SHB: variants seen among roughly 807,000 people sequenced by gnomAD.
SHB encodes SH2 domain-containing adapter protein B.
Under a neutral mutation model 52.3 loss-of-function variants are expected in SHB, and 20 were observed. The ratio of observed to expected loss-of-function variants is 0.38; its 90% confidence interval spans 0.27 to 0.56. SHB has a LOEUF of 0.56. Among genes scored for constraint, SHB ranks in the 20% least tolerant of loss-of-function variants. The pLI is 0.71. For synonymous variants in SHB, 397 were observed against 316.5 expected (o/e 1.25, Z -2.70); for missense variants, 825 against 723.3 (o/e 1.14, Z -1.61).
At chr9:37,986,776 G>A (rs760276791) in intron 2 of SHB, among the ~76,000 whole-genome samples, 22 of 152,208 alleles carry the variant, frequency 1.4e-4, no homozygotes, top group Non-Finnish European at 1.6e-4. Context: ...ATGACAGGGC[G>A]GGCATCCCCG....
intron 1 of SHB, among the ~76,000 whole-genome samples, chr9:38,065,942 T>C (rs1289023695): frequency 2.0e-5 from 3 of 151,900 alleles, no homozygotes; most frequent in Non-Finnish European, 4.4e-5. Context: ...CAAGGTGCAC[T>C]CCTCGATGCC....
At chr9:37,965,759 C>T (rs921624961) in intron 3 of SHB, among the ~76,000 whole-genome samples, 2 of 151,164 alleles carry the variant, frequency 1.3e-5, no homozygotes, top group African/African-American at 4.9e-5. Context: ...ATTTTGGGGC[C>T]GGGGTATCTG....
chr9:37,948,879 C>T, intron 4 of SHB, 125 bp from the exon 5 acceptor site: 1 of 1,247,732 alleles, frequency 8.0e-7, no homozygotes. Flanking sequence ...CTGGTTCATT[C>T]CATGGGTACC....
chr9:37,950,751 T>C (rs564494064), intron 4 of SHB, among the ~76,000 whole-genome samples: 2 of 152,250 alleles, frequency 1.3e-5, no homozygotes, highest in East Asian at 1.9e-4. Flanking sequence ...ATGTAACAAG[T>C]GGCCCCGCAG....
Position 38,055,152 on chromosome 9 carries a change from G to A in SHB, c.717+12777C>T, listed in dbSNP as rs141626927. On this transcript the variant is annotated intron_variant, in intron 1 of 5. Transcript: ENST00000377707. ...CAGGACTGGTCCTGGGTTCAGTGAC[G>A]TGATGTGAGTTAGGCAGACACCTTC... Among the ~76,000 whole-genome samples, 401 of 152,368 alleles carry A rather than the reference G, an allele frequency of 2.6e-3. 6 individuals carry two copies. Among genetic ancestry groups the A allele is most frequent in the South Asian group, 0.017 (81 of 4,826 alleles).
At chr9:38,032,876 C>T (rs1476244563) in intron 1 of SHB, among the ~76,000 whole-genome samples, 1 of 152,162 alleles carries the variant, frequency 6.6e-6, no homozygotes, top group Non-Finnish European at 1.5e-5. Flanking sequence ...CCGTGCCAGG[C>T]AGAGGAGGGA....
At chr9:37,987,378 G>T (rs568159647) in intron 2 of SHB, among the ~76,000 whole-genome samples, 1 of 152,360 alleles carries the variant, frequency 6.6e-6, no homozygotes, top group South Asian at 2.1e-4. Context: ...GGCAAGCGAG[G>T]AAGGGATGGA....
At chr9:37,952,632 G>A (rs372520207) in intron 4 of SHB, among the ~76,000 whole-genome samples, 4 of 152,184 alleles carry the variant, frequency 2.6e-5, no homozygotes, top group African/African-American at 4.8e-5. Context: ...GCAGGTGGCC[G>A]CAGAGATGGA....
Position 38,068,453 on chromosome 9 carries a change from C to G in SHB, c.193G>C (p.Ala65Pro). The G allele has an allele frequency of 6.5e-7, 1 of 1,532,700 alleles. No homozygotes were observed. The highest frequency in any genetic ancestry group is 8.7e-7 in the Non-Finnish European group (1 of 1,144,542). The allele number at this position is 1,532,700 out of a possible 1,614,324, so 94.9% of individuals were successfully genotyped here. Reference protein sequence around the residue: ...CGPATASCFSASSGSLPDDSG... With the variant: ...CGPATASCFSPSSGSLPDDSG... ...TCGTCGGGCAGCGAGCCCGAAGAGGCTGAGAAGCAGGAGGCGGTGGCCGGA... is the reference window on the plus strand; with the variant it reads ...TCGTCGGGCAGCGAGCCCGAAGAGGGTGAGAAGCAGGAGGCGGTGGCCGGA... Residue 65 changes from alanine to proline, a missense_variant, in exon 1 of 6, where the codon GCC (alanine) becomes CCC (proline). By Grantham distance (27) the Ala-to-Pro change is conservative. Coordinates refer to ENST00000377707, the MANE Select transcript of SHB (RefSeq NM_003028.3).
intron 1 of SHB, among the ~76,000 whole-genome samples, chr9:38,023,657 C>T (rs1004717998): frequency 5.9e-5 from 9 of 152,178 alleles, no homozygotes; most frequent in Non-Finnish European, 1.2e-4. Flanking sequence ...TGTGAATGCC[C>T]TTTTTTCCCC....
chr9:38,043,661 G>A (rs911951310), intron 1 of SHB, among the ~76,000 whole-genome samples: 4 of 152,210 alleles, frequency 2.6e-5, no homozygotes, highest in African/African-American at 4.8e-5. Context: ...AGGCCGAGGC[G>A]GGGGGATCAC....
chr9:37,927,325 A>G (rs1832261950), intron 5 of SHB, among the ~76,000 whole-genome samples: 1 of 152,256 alleles, frequency 6.6e-6, no homozygotes, highest in Non-Finnish European at 1.5e-5. Flanking sequence ...GACAAGCCAA[A>G]GACACACACA....
chr9:38,017,024 G>A (rs902771617), intron 1 of SHB, among the ~76,000 whole-genome samples: 1 of 152,218 alleles, frequency 6.6e-6, no homozygotes, highest in African/African-American at 2.4e-5. Flanking sequence ...ACCGTTCCAC[G>A]TTTTCCCTGG....
chr9:38,064,539 C>T (rs974039533), intron 1 of SHB, among the ~76,000 whole-genome samples: 1 of 152,244 alleles, frequency 6.6e-6, no homozygotes, highest in African/African-American at 2.4e-5. Context: ...GTCACCCTCT[C>T]CCCTGAGCTG....
At chr9:38,059,848 A>G (rs886187448) in intron 1 of SHB, among the ~76,000 whole-genome samples, 6 of 152,166 alleles carry the variant, frequency 3.9e-5, no homozygotes, top group African/African-American at 1.4e-4. Context: ...ACTCCTCCCC[A>G]TGAGCCTCTG....
chr9:37,968,057 C>T (rs1820550295), intron 3 of SHB, among the ~76,000 whole-genome samples: 1 of 152,176 alleles, frequency 6.6e-6, no homozygotes, highest in Admixed American at 6.5e-5. Flanking sequence ...TGGGAATGAG[C>T]TTTGGAAACA....
intron 5 of SHB, among the ~76,000 whole-genome samples, chr9:37,931,839 G>A (rs1248663533): frequency 6.6e-6 from 1 of 152,190 alleles, no homozygotes; most frequent in East Asian, 1.9e-4. Context: ...GAAAACAACT[G>A]AAGGTCTGTC....
chr9:37,982,756 G>A (rs2494920), intron 2 of SHB, among the ~76,000 whole-genome samples: 86,651 of 151,738 alleles, frequency 0.57, 25,114 homozygotes, highest in East Asian at 0.75. Context: ...CCAAGATCAC[G>A]CTATTGCACT....
chr9:37,945,959 T>C (rs557521470), intron 5 of SHB, among the ~76,000 whole-genome samples: 24 of 152,288 alleles, frequency 1.6e-4, no homozygotes. Context: ...CAATGGGTCC[T>C]TCCTGTGGCT....
Sources: gnomAD v4.1 joint callset for allele counts (sites outside exome capture counted in the v4.1 genomes callset) on GRCh38, gnomAD v4.1.1 for gene constraint, MANE v1.5 for transcripts, NCBI Gene and HGNC (gene_info 2026-07-23, HGNC 2026-07-21) for gene names.